The following ZNF395 variants were observed in gnomAD, a reference collection of about 807,000 sequenced individuals.
ZNF395 encodes the protein HD gene regulatory region-binding protein 2.
ZNF395 carries 20 observed loss-of-function variants against 57.7 expected under a neutral mutation model. The observed-to-expected ratio is 0.35, with a 90% CI of 0.24 to 0.50. The LOEUF (loss-of-function observed/expected upper bound fraction) is 0.50. Among genes scored for constraint, ZNF395 ranks in the 20% least tolerant of loss-of-function variants. The pLI is 0.97. For synonymous variants in ZNF395, 295 were observed against 275.9 expected (o/e 1.07, Z -0.69); for missense variants, 606 against 671.2 (o/e 0.90, Z 1.07).
chr8:28,377,146 C>T (rs868387760), intron 1 of ZNF395, among the ~76,000 whole-genome samples: 4 of 151,802 alleles, frequency 2.6e-5, no homozygotes, highest in Non-Finnish European at 4.4e-5. Flanking sequence ...ATAATCAGGG[C>T]GGATTCTAAA....
At position 28,360,997 on chromosome 8, in the gene ZNF395, G is replaced by A. The variant is rs775740075; in HGVS notation, c.128C>T (p.Pro43Leu). The change falls in exon 2 of 10, where the codon CCC (proline) becomes CTC (leucine). Residue 43 changes from proline (P) to leucine (L), a missense_variant. By Grantham distance (98) the Pro-to-Leu change is moderately conservative. Around this residue, in one of 3 missense-constraint regions of ZNF395, gnomAD observed 309 missense variants for 374.7 expected, o/e 0.82. Coordinates refer to ENST00000344423, the MANE Select transcript of ZNF395 (RefSeq NM_018660.3). ...GTCATCAGAGGTGGTGAAAGGCTGGGGAGCGGCCCCTTCTAGCAGTGGCTC... is the reference window on the plus strand; with the variant it reads ...GTCATCAGAGGTGGTGAAAGGCTGGAGAGCGGCCCCTTCTAGCAGTGGCTC... Reference protein sequence around the residue: ...PSEPLLEGAAPQPFTTSDDTP... With the variant: ...PSEPLLEGAALQPFTTSDDTP... The A allele has an allele frequency of 3.1e-6, 5 of 1,611,762 alleles. No individual in the cohort carries two copies. Among genetic ancestry groups the A allele is most frequent in the Non-Finnish European group, 4.2e-6 (5 of 1,178,746 alleles).
rs747544227 is a variant in ZNF395 at position 28,350,054 on chromosome 8, G to C, written c.1326+10C>G. The C allele has an allele frequency of 6.3e-7, 1 of 1,586,892 alleles. No homozygotes were observed. The highest frequency in any genetic ancestry group is 1.8e-5 in the Admixed American group (1 of 54,586). On this transcript the variant is annotated intron_variant, in intron 8 of 9. Coordinates refer to ENST00000344423, the MANE Select transcript of ZNF395 (RefSeq NM_018660.3). ...ATACGAGGCCCCAGCCGTGCTGCCC[G>C]CACACTCACCGGAGAGAGAGAGCAG... is the stretch of plus-strand genomic sequence containing the variant.
At chr8:28,384,671 C>G (rs774526590) in intron 1 of ZNF395, among the ~76,000 whole-genome samples, 49 of 152,170 alleles carry the variant, frequency 3.2e-4, no homozygotes, top group Non-Finnish European at 5.1e-4. Flanking sequence ...TTCTTCTCCT[C>G]TTGTCTTTGG....
intron 1 of ZNF395, chr8:28,386,180 C>G (rs893784586): frequency 6.7e-6 from 1 of 149,552 alleles, no homozygotes; most frequent in Non-Finnish European, 1.5e-5. Context: ...CCCACCTGGC[C>G]GGCCTGCCCT....
At chr8:28,349,074 G>A in intron 9 of ZNF395, 51 bp downstream of exon 9, 1 of 1,522,966 alleles carries the variant, frequency 6.6e-7, no homozygotes, top group Non-Finnish European at 8.9e-7. Flanking sequence ...CCACGCCACT[G>A]GAGACAGGGC....
intron 1 of ZNF395, among the ~76,000 whole-genome samples, chr8:28,362,573 A>G (rs1801863806): frequency 6.6e-6 from 1 of 151,984 alleles, no homozygotes; most frequent in Non-Finnish European, 1.5e-5. Flanking sequence ...ACCCACCTGA[A>G]GAAGACACCT....
At chr8:28,357,070 A>C (rs577352136) in intron 3 of ZNF395, among the ~76,000 whole-genome samples, 1 of 152,148 alleles carries the variant, frequency 6.6e-6, no homozygotes, top group Admixed American at 6.5e-5. Flanking sequence ...TGACGCCCTG[A>C]GACAGCCCCA....
At chr8:28,362,820 T>C (rs1025949760) in intron 1 of ZNF395, among the ~76,000 whole-genome samples, 4 of 152,200 alleles carry the variant, frequency 2.6e-5, no homozygotes, top group East Asian at 3.8e-4. Flanking sequence ...TTGGCAAATA[T>C]TGAGTAAAGG....
chr8:28,372,936 GGA>G (rs1194312524), intron 1 of ZNF395, among the ~76,000 whole-genome samples: 1 of 152,172 alleles, frequency 6.6e-6, no homozygotes, highest in Non-Finnish European at 1.5e-5. Flanking sequence ...CCGCCAAGTT[GGA>G]GAGAGGAGTA....
At position 28,356,725 on chromosome 8, in the gene ZNF395, G is replaced by C. The variant is rs772956100; in HGVS notation, c.528C>G (p.Ser176=). Reference sequence around the variant, plus strand: ...TCTGTACAACAGGGCTGCAGGACAGGGACGTCAGCACCATGGCCGCCATCA... The same window carrying C: ...TCTGTACAACAGGGCTGCAGGACAGCGACGTCAGCACCATGGCCGCCATCA... ...DEMMAAMVLT[S]LSCSPVVQSP... is the part of the protein sequence containing the mutation. The change falls in exon 4 of 10, where the codon TCC becomes TCG. Residue 176 remains serine (S), a synonymous_variant. Coordinates refer to ENST00000344423, the MANE Select transcript of ZNF395 (RefSeq NM_018660.3). The surrounding 1 kb of genome is among the most constrained non-coding windows in gnomAD (Gnocchi z 4.0). 5.0e-6 allele frequency: 8 copies of C among 1,614,090 alleles called. No individual in the cohort carries two copies. In the East Asian group the frequency reaches 1.6e-4, roughly 31 times the overall value.
chr8:28,356,530 C>T lies in ZNF395; in HGVS notation c.583+140G>A, dbSNP rs1313394729. 2.3e-5 allele frequency: 14 copies of T among 606,572 alleles called. No individual in the cohort carries two copies. The highest frequency in any genetic ancestry group is 3.5e-5 in the Non-Finnish European group (12 of 343,656). The allele number at this position is 606,572 out of a possible 1,614,324, so 37.6% of individuals were successfully genotyped here. A position where few individuals can be genotyped will look rare whatever the true frequency, so the allele number is the denominator to read the frequency against. On this transcript the variant is annotated intron_variant, in intron 4 of 9. Coordinates refer to ENST00000344423, the MANE Select transcript of ZNF395 (RefSeq NM_018660.3). This position sits in a 1 kb window ranked among gnomAD's most constrained non-coding sequence, Gnocchi z 4.0. The stretch of plus-strand genomic sequence containing the variant: ...AGCATCTAACTCCATGGCATGCAGC[C>T]GGTCAGAGGTGCCAGTGGGAGGTGT...
Position 28,346,092 on chromosome 8 carries a change from A to G in ZNF395, c.*2627T>C, listed in dbSNP as rs1801596426. On this transcript the variant is annotated 3_prime_UTR_variant, in exon 10 of 10. Coordinates refer to ENST00000344423, the MANE Select transcript of ZNF395 (RefSeq NM_018660.3). ...ACTAAATGAGTGTCTAGCATCCTTA[A>G]GGCTGCTCAACACACAGCCCCAGAC... The G allele has an allele frequency of 6.6e-6, 1 of 152,210 alleles. No individual in the cohort carries two copies. The highest frequency in any genetic ancestry group is 6.5e-5 in the Admixed American group (1 of 15,276). 9.4% of individuals were successfully genotyped at this position (152,210 alleles called of 1,614,324 possible). A position where few individuals can be genotyped will look rare whatever the true frequency, so the allele number is the denominator to read the frequency against.
intron 1 of ZNF395, among the ~76,000 whole-genome samples, chr8:28,362,528 G>C (rs1801862839): frequency 6.6e-6 from 1 of 152,196 alleles, no homozygotes; most frequent in Non-Finnish European, 1.5e-5. Flanking sequence ...AGTGCCTATG[G>C]GGCTAATTCC....
At chr8:28,348,974 G>A (rs1801643565) in intron 9 of ZNF395, 144 bp from the exon 10 acceptor site, 9 of 1,143,978 alleles carry the variant, frequency 7.9e-6, no homozygotes, top group Admixed American at 5.8e-5. Flanking sequence ...AGGCTCTGAG[G>A]ACCAAACAGT....
chr8:28,349,863 C>T (rs928066334), intron 8 of ZNF395, among the ~76,000 whole-genome samples: 3 of 152,254 alleles, frequency 2.0e-5, no homozygotes, highest in East Asian at 1.9e-4. Flanking sequence ...CTTCCACCTC[C>T]GCGAGGGGCT....
In ZNF395 at chr8:28,357,522, G is replaced by C. The variant is rs1022165300; in HGVS notation, c.474-743C>G. ...AGTTAATGCTAAAGTATTAGTAAAA[G>C]TTAGTCTGAAATAAACTTCTAAGTG... On this transcript the variant is annotated intron_variant, in intron 3 of 9. Transcript: ENST00000344423. Among the ~76,000 whole-genome samples, 4 of 152,310 alleles carry C rather than the reference G, an allele frequency of 2.6e-5. No homozygotes were observed. The East Asian group carries it at 7.7e-4, about 29-fold the overall frequency.
intron 1 of ZNF395, among the ~76,000 whole-genome samples, chr8:28,382,558 A>T (rs1053343451): frequency 2.6e-5 from 4 of 152,092 alleles, no homozygotes; most frequent in Non-Finnish European, 5.9e-5. Flanking sequence ...CCTTGTCCCT[A>T]AACGTTTTTC....
rs1801855321 is a variant in ZNF395, at chr8:28,361,988, T to A, written c.-58-806A>T. 2.0e-5 allele frequency among the ~76,000 whole-genome samples: 3 copies of A among 151,324 alleles called. No homozygotes were observed. In the South Asian group the frequency reaches 6.3e-4, roughly 32 times the overall value. The stretch of plus-strand genomic sequence containing the variant: ...TGCCTGTAATCCCAGCTACTCGGGA[T>A]GCTGAGACAGGAGAATTGCTTGAAC... On this transcript the variant is annotated intron_variant, in intron 1 of 9. Coordinates refer to ENST00000344423, the MANE Select transcript of ZNF395 (RefSeq NM_018660.3).
intron 1 of ZNF395, among the ~76,000 whole-genome samples, chr8:28,371,636 T>G (rs533491182): frequency 5.3e-4 from 80 of 152,330 alleles, no homozygotes; most frequent in Non-Finnish European, 1.0e-3. Flanking sequence ...ACGGGAAATG[T>G]GCATTATGAC....
Sources: allele counts gnomAD v4.1 joint callset (sites outside exome capture counted in the v4.1 genomes callset), GRCh38; gene constraint gnomAD v4.1.1; regional missense constraint gnomAD v4.1.1; non-coding constraint Gnocchi (gnomAD v3.1); transcripts MANE v1.5; gene names NCBI Gene and HGNC (gene_info 2026-07-23, HGNC 2026-07-21).